Variants in TMC3 observed in about 807,000 individuals in gnomAD.
The protein encoded by TMC3 is transmembrane channel-like protein 3.
TMC3 carries 98 observed loss-of-function variants against 110.6 expected under a neutral mutation model. The observed-to-expected ratio is 0.89, with a 90% CI of 0.75 to 1.05. TMC3 has a LOEUF of 1.05. Ranked by LOEUF, TMC3 falls within the 50% of genes least tolerant of loss-of-function variation. The pLI is 0.00. For missense variants in TMC3, 1,319 were observed against 1,373.2 expected, an observed-to-expected ratio of 0.96 and a Z score of 0.62; for synonymous variants, 489 against 513.1, an observed-to-expected ratio of 0.95 and a Z score of 0.63.
At position 81,365,682 on chromosome 15, in the gene TMC3, AAAAG is replaced by A. The variant is rs1404728936; in HGVS notation, c.312+2567_312+2570del. On this transcript the variant is annotated intron_variant, in intron 3 of 21. Transcript: ENST00000359440. Reference sequence around the variant, plus strand: ...CAAGACTCTGTCTCAAAAAAAAAAAAAAAGAAAAAGAAAAAAAAGAAAAAAGCAA... The same window carrying A: ...CAAGACTCTGTCTCAAAAAAAAAAAAAAAAAGAAAAAAAAGAAAAAAGCAA... Among the ~76,000 whole-genome samples the A allele has an allele frequency of 2.3e-3, 302 of 134,042 alleles. 6 individuals are homozygous for A. The highest frequency in any genetic ancestry group is 0.01 in the African/African-American group (285 of 27,802). The allele number at this position is 134,042 out of a possible 152,430, so 87.9% of individuals were successfully genotyped here. A position where few individuals can be genotyped will look rare whatever the true frequency, so the allele number is the denominator to read the frequency against.
intron 2 of TMC3, among the ~76,000 whole-genome samples, chr15:81,371,552 C>T (rs1319756465): frequency 6.6e-6 from 1 of 152,216 alleles, no homozygotes; most frequent in Non-Finnish European, 1.5e-5. Flanking sequence ...GCACAGGTCA[C>T]AGTAGCTCAA....
intron 10 of TMC3, 59 bp from the exon 11 acceptor site, chr15:81,349,626 C>T (rs1045494411): frequency 6.1e-5 from 63 of 1,038,932 alleles, no homozygotes; most frequent in Non-Finnish European, 7.6e-5. Context: ...CAGCCCTCAC[C>T]ATGTGCATTT....
In TMC3 at chr15:81,357,720, A is replaced by G. The variant is rs191663354; in HGVS notation, c.743+429T>C. ...AGCTAGGTCACAGGCAAACAAACAT[A>G]CAACCAAAGGAGGACCTTTTGCTTT... On this transcript the variant is annotated intron_variant, in intron 7 of 21. Transcript: ENST00000359440. 1.2e-3 allele frequency among the ~76,000 whole-genome samples: 186 copies of G among 152,328 alleles called. 3 individuals are homozygous for G. The highest frequency in any genetic ancestry group is 4.3e-3 in the African/African-American group (178 of 41,568).
At chr15:81,350,577 TAA>T (rs548791305) in intron 10 of TMC3, among the ~76,000 whole-genome samples, 7 of 152,218 alleles carry the variant, frequency 4.6e-5, no homozygotes, top group Non-Finnish European at 1.0e-4. Context: ...TCAATTGGCA[TAA>T]AATAGAGGCA....
intron 4 of TMC3, among the ~76,000 whole-genome samples, chr15:81,361,434 C>G (rs7163232): frequency 0.36 from 54,091 of 152,052 alleles, 11,341 homozygotes; most frequent in African/African-American, 0.56. Context: ...ATTTGCCCAT[C>G]AATTCCCACA....
intron 12 of TMC3, 24 bp downstream of exon 12, chr15:81,346,341 C>A: frequency 6.2e-7 from 1 of 1,609,200 alleles, no homozygotes; most frequent in Non-Finnish European, 8.5e-7. Context: ...GTGGGGCAGG[C>A]AACTATCTGG....
At chr15:81,342,175 A>C (rs943441072) in intron 15 of TMC3, among the ~76,000 whole-genome samples, 1 of 152,220 alleles carries the variant, frequency 6.6e-6, no homozygotes, top group Non-Finnish European at 1.5e-5. Context: ...AAGAAATGGC[A>C]GCTAGGCGAC....
intron 3 of TMC3, among the ~76,000 whole-genome samples, chr15:81,367,847 G>C (rs1013137099): frequency 6.6e-6 from 1 of 152,186 alleles, no homozygotes; most frequent in African/African-American, 2.4e-5. Flanking sequence ...CGCAACCTGT[G>C]TATGATGGCA....
intron 10 of TMC3, among the ~76,000 whole-genome samples, chr15:81,350,248 G>A (rs898200010): frequency 2.8e-4 from 43 of 152,236 alleles, no homozygotes; most frequent in African/African-American, 9.6e-4. Context: ...AAACAAAAAG[G>A]ATTCACTAGC....
At chr15:81,337,658 G>A (rs970487859) in intron 19 of TMC3, 188 bp downstream of exon 19, 12 of 634,702 alleles carry the variant, frequency 1.9e-5, no homozygotes, top group Non-Finnish European at 3.4e-5. Flanking sequence ...CTAGCAAAGG[G>A]GAGCCATCCC....
chr15:81,343,785 C>A (rs1893763194), intron 14 of TMC3, 132 bp downstream of exon 14: 1 of 961,912 alleles, frequency 1.0e-6, no homozygotes, highest in Non-Finnish European at 1.5e-6. Flanking sequence ...GCTTTCTGCA[C>A]CCATCTCTTC....
In TMC3 at chr15:81,338,687, G is replaced by A. The variant is rs376462005; in HGVS notation, c.2049C>T (p.Pro683=). 157 of 1,613,872 alleles carry A rather than the reference G, an allele frequency of 9.7e-5. No individual in the cohort carries two copies. The highest frequency in any genetic ancestry group is 7.8e-4 in the East Asian group (35 of 44,902). The change falls in exon 18 of 22, where the codon CCC becomes CCT. Residue 683 remains proline, a synonymous_variant. Transcript: ENST00000359440. Reference sequence around the variant, plus strand: ...GGAGTACTGCGGGCAGGATGACCACGGGGCTACTGATGTGTCCAACCACGG... The same window carrying A: ...GGAGTACTGCGGGCAGGATGACCACAGGGCTACTGATGTGTCCAACCACGG... ...FGSVVGHISS[P]VVILPAVLLL... is the part of the protein sequence containing the mutation.
chr15:81,373,936 C>T, intron 1 of TMC3, 53 bp downstream of exon 1: 1 of 1,553,152 alleles, frequency 6.4e-7, no homozygotes, highest in Non-Finnish European at 8.8e-7. Flanking sequence ...CCCATGCATT[C>T]CTTCCTCACA....
chr15:81,348,642 CTT>C (rs1332693107), intron 11 of TMC3, among the ~76,000 whole-genome samples: 1 of 152,216 alleles, frequency 6.6e-6, no homozygotes, highest in African/African-American at 2.4e-5. Flanking sequence ...ACAAGGAACT[CTT>C]TGAGTCTGTA....
In TMC3 at chr15:81,349,458, C is replaced by A. The variant is rs1322124428; in HGVS notation, c.1193G>T (p.Arg398Met). ...GCATTTCTGGGCAGGACTGTTGTAC[C>A]TTGCAAGCTGGAAGCGCAGCGTGGT... ...PRTTLRFQLA[R>M]VLVLYLGNLY... Residue 398 changes from arginine (R) to methionine (M), a missense_variant and splice_region_variant, in exon 11 of 22, where the codon AGG (arginine) becomes ATG (methionine). Coordinates refer to ENST00000359440, the MANE Select transcript of TMC3 (RefSeq NM_001080532.3). 1.3e-6 allele frequency: 2 copies of A among 1,504,872 alleles called. No homozygotes were observed. Among genetic ancestry groups the A allele is most frequent in the African/African-American group, 2.8e-5 (2 of 70,600 alleles). The allele number at this position is 1,504,872 out of a possible 1,614,324, so 93.2% of individuals were successfully genotyped here. A position where few individuals can be genotyped will look rare whatever the true frequency, so the allele number is the denominator to read the frequency against.
chr15:81,341,553 C>G (rs1267438791), intron 15 of TMC3, 35 bp from the exon 16 acceptor site: 2 of 1,592,078 alleles, frequency 1.3e-6, no homozygotes, highest in South Asian at 1.1e-5. Context: ...TGCATCTGTT[C>G]TCTTTCAGCC....
chr15:81,332,436 T>C lies in TMC3; in HGVS notation c.3286A>G (p.Ile1096Val), dbSNP rs766736635. 3.1e-6 allele frequency: 5 copies of C among 1,607,440 alleles called. No homozygotes were observed. The Admixed American group carries it at 8.4e-5, about 27-fold the overall frequency. The change falls in exon 22 of 22, where the codon ATT becomes GTT. Residue 1096 changes from isoleucine to valine, a missense_variant. Ile to Val is a conservative substitution (Grantham distance 29). Transcript: ENST00000359440. ...QELTVDLDDL[I>V]CSDV The stretch of plus-strand genomic sequence containing the variant: ...GAGGAAGCCTAGACATCTGAACAAA[T>C]CAAGTCATCCAGATCCACGGTCAGC...
chr15:81,334,683 A>T, intron 21 of TMC3, 37 bp downstream of exon 21: 2 of 1,583,890 alleles, frequency 1.3e-6, no homozygotes, highest in Non-Finnish European at 1.7e-6. Flanking sequence ...AATCTCTCAC[A>T]TTCCAGGTTT....
intron 2 of TMC3, among the ~76,000 whole-genome samples, chr15:81,371,188 T>G (rs965909433): frequency 2.0e-5 from 3 of 152,158 alleles, no homozygotes; most frequent in Non-Finnish European, 4.4e-5. Context: ...ATGCCATCCT[T>G]ACTCAAATAA....
Sources: gnomAD v4.1 joint callset for allele counts (sites outside exome capture counted in the v4.1 genomes callset) on GRCh38, gnomAD v4.1.1 for gene constraint, MANE v1.5 for transcripts, NCBI Gene and HGNC (gene_info 2026-07-23, HGNC 2026-07-21) for gene names.